The following BATF variants were observed in gnomAD, a reference collection of about 807,000 sequenced individuals.
The protein encoded by BATF is basic leucine zipper transcriptional factor ATF-like.
In BATF, 5 loss-of-function variants were observed where a neutral mutation model predicts 13.7. That is an observed-to-expected ratio of 0.36 (90% CI 0.19 to 0.77). The LOEUF is 0.77. Ranked by LOEUF, BATF falls within the 30% of genes least tolerant of loss-of-function variation. BATF has a pLI of 0.51. For synonymous variants in BATF, 72 were observed against 67.5 expected (o/e 1.07, Z -0.33); for missense variants, 124 against 163.0 (o/e 0.76, Z 1.30).
intron 1 of BATF, among the ~76,000 whole-genome samples, chr14:75,524,823 C>T (rs1169847238): frequency 6.7e-6 from 1 of 149,290 alleles, no homozygotes; most frequent in African/African-American, 2.5e-5. Context: ...TGGCCAAATA[C>T]AGCTCTATTG....
At chr14:75,537,701 T>C (rs1277925420) in intron 2 of BATF, among the ~76,000 whole-genome samples, 2 of 152,174 alleles carry the variant, frequency 1.3e-5, no homozygotes, top group Admixed American at 1.3e-4. Flanking sequence ...AATATAATAG[T>C]AGTGTGCTTA....
Position 75,546,892 on chromosome 14 carries a change from G to C in BATF, c.*221G>C. The C allele has an allele frequency of 1.4e-6, 1 of 718,962 alleles. No individual in the cohort carries two copies. Among genetic ancestry groups the C allele is most frequent in the Non-Finnish European group, 2.5e-6 (1 of 400,048 alleles). 44.5% of individuals were successfully genotyped at this position (718,962 alleles called of 1,614,324 possible). On this transcript the variant is annotated 3_prime_UTR_variant, in exon 3 of 3. Coordinates refer to ENST00000286639, the MANE Select transcript of BATF (RefSeq NM_006399.5). ...TGGACCCCACCACTGTGGGTTGCAG[G>C]CCCAATGCAGAAGAGTATTAAGAAA...
chr14:75,525,314 G>A (rs1887634985), intron 2 of BATF, 126 bp downstream of exon 2: 1 of 979,204 alleles, frequency 1.0e-6, no homozygotes, highest in Non-Finnish European at 1.5e-6. Context: ...GGTTAGTGGA[G>A]GGTGAGGGCC....
At chr14:75,535,883 T>A (rs963702339) in intron 2 of BATF, among the ~76,000 whole-genome samples, 8 of 152,018 alleles carry the variant, frequency 5.3e-5, no homozygotes, top group Non-Finnish European at 1.2e-4. Context: ...ACCCTGTAAC[T>A]AAAAAAGGGT....
At chr14:75,539,388 A>G (rs976523397) in intron 2 of BATF, among the ~76,000 whole-genome samples, 7 of 133,110 alleles carry the variant, frequency 5.3e-5, no homozygotes, top group African/African-American at 2.0e-4. Context: ...ATTCTGTCAC[A>G]TGGCTACCCC....
At position 75,546,499 on chromosome 14, in the gene BATF, G is replaced by C; in HGVS notation, c.206G>C (p.Arg69Pro). The C allele has an allele frequency of 3.1e-6, 5 of 1,614,138 alleles. No homozygotes were observed. Among genetic ancestry groups the C allele is most frequent in the Non-Finnish European group, 4.2e-6 (5 of 1,180,022 alleles). ...EDLEKQNAAL[R>P]KEIKQLTEEL... ...CTGGAGAAACAGAACGCGGCTCTAC[G>C]CAAGGAGATCAAGCAGCTCACAGAG... The change falls in exon 3 of 3, where the codon CGC becomes CCC. Residue 69 changes from arginine (R) to proline (P), a missense_variant. Physicochemically the swap from Arg to Pro is moderately radical, Grantham distance 103. Coordinates refer to ENST00000286639, the MANE Select transcript of BATF (RefSeq NM_006399.5).
At chr14:75,522,861 G>A (rs1193189239) in intron 1 of BATF, 116 bp downstream of exon 1, 41 of 1,262,856 alleles carry the variant, frequency 3.2e-5, no homozygotes, top group Non-Finnish European at 4.1e-5. Context: ...CTCGTTGCAC[G>A]GGCACTCTGT....
chr14:75,522,644 T>G lies in BATF; in HGVS notation c.-39T>G. 1 of 1,611,700 alleles carries G rather than the reference T, an allele frequency of 6.2e-7. No individual in the cohort carries two copies. The highest frequency in any genetic ancestry group is 1.1e-5 in the South Asian group (1 of 91,020). On this transcript the variant is annotated 5_prime_UTR_variant, in exon 1 of 3. Transcript: ENST00000286639. ...AGCTGGTGACAAGAGAGCCCAGAGG[T>G]GCCTGGGGCTGAGTGTGAGAGCCCG...
chr14:75,528,986 T>G (rs1291507772), intron 2 of BATF, among the ~76,000 whole-genome samples: 1 of 152,172 alleles, frequency 6.6e-6, no homozygotes, highest in African/African-American at 2.4e-5. Flanking sequence ...TTCAAATAAT[T>G]GGAAAGATAT....
chr14:75,535,716 G>C (rs1483826676), intron 2 of BATF, among the ~76,000 whole-genome samples: 1 of 152,012 alleles, frequency 6.6e-6, no homozygotes, highest in Non-Finnish European at 1.5e-5. Flanking sequence ...TATTACACCA[G>C]GAAAACAGGT....
Position 75,526,328 on chromosome 14 carries a change from C to A in BATF, c.168+1140C>A, listed in dbSNP as rs543807384. ...CTCATCCCCTTCCCTAGCAACTCTA[C>A]CTTCCTGCCCTTGCTCCAGAAACAT... is the stretch of plus-strand genomic sequence containing the variant. On this transcript the variant is annotated intron_variant, in intron 2 of 2. Coordinates refer to ENST00000286639, the MANE Select transcript of BATF (RefSeq NM_006399.5). 3.0e-4 allele frequency among the ~76,000 whole-genome samples: 46 copies of A among 152,352 alleles called. 2 individuals carry two copies. The South Asian group carries it at 9.1e-3, about 30-fold the overall frequency.
Position 75,546,842 on chromosome 14 carries a change from C to A in BATF, c.*171C>A. ...AAGGGCGTGAGGCCTCCCAGCAGTGCCGCAGCGTTTCGAGGGGCGTGTGCT... is the reference window on the plus strand; with the variant it reads ...AAGGGCGTGAGGCCTCCCAGCAGTGACGCAGCGTTTCGAGGGGCGTGTGCT... On this transcript the variant is annotated 3_prime_UTR_variant, in exon 3 of 3. Transcript: ENST00000286639. 1 of 944,796 alleles carries A rather than the reference C, an allele frequency of 1.1e-6. No individual in the cohort carries two copies. Among genetic ancestry groups the A allele is most frequent in the Non-Finnish European group, 1.6e-6 (1 of 607,962 alleles). 58.5% of individuals were successfully genotyped at this position (944,796 alleles called of 1,614,324 possible).
At chr14:75,546,229 C>T (rs957722460) in intron 2 of BATF, among the ~76,000 whole-genome samples, 3 of 152,202 alleles carry the variant, frequency 2.0e-5, no homozygotes, top group Non-Finnish European at 4.4e-5. Flanking sequence ...AGCCTCATAT[C>T]TATGTGTATA....
rs115093490 is a variant in BATF at position 75,545,338 on chromosome 14, G to A, written c.169-1124G>A. ...CTGGGTTTCAGCAATTCTCTTCCCC[G>A]AGCCTCCCGGGTAGCTGGGATTACA... On this transcript the variant is annotated intron_variant, in intron 2 of 2. Transcript: ENST00000286639. 1.7e-3 allele frequency among the ~76,000 whole-genome samples: 258 copies of A among 150,818 alleles called. 2 individuals are homozygous for A. Among genetic ancestry groups the A allele is most frequent in the African/African-American group, 5.8e-3 (236 of 40,986 alleles).
intron 2 of BATF, among the ~76,000 whole-genome samples, chr14:75,526,168 A>G (rs1015670801): frequency 7.2e-5 from 11 of 152,186 alleles, no homozygotes; most frequent in African/African-American, 2.7e-4. Flanking sequence ...TGGTGTTTCT[A>G]GGTTCTGGCT....
At chr14:75,523,113 A>G (rs1160596411) in intron 1 of BATF, among the ~76,000 whole-genome samples, 1 of 152,052 alleles carries the variant, frequency 6.6e-6, no homozygotes, top group African/African-American at 2.4e-5. Flanking sequence ...AGGAGTTTTC[A>G]AGTGGGCCGC....
intron 2 of BATF, among the ~76,000 whole-genome samples, chr14:75,528,894 A>G (rs1887690918): frequency 6.6e-6 from 1 of 152,254 alleles, no homozygotes; most frequent in Non-Finnish European, 1.5e-5. Flanking sequence ...CCTGTTTATA[A>G]TACCAATGAC....
At chr14:75,525,993 A>G (rs1166021378) in intron 2 of BATF, among the ~76,000 whole-genome samples, 3 of 152,212 alleles carry the variant, frequency 2.0e-5, no homozygotes, top group East Asian at 1.9e-4. Flanking sequence ...CAAGGGGTCT[A>G]TGAAAGATGC....
At position 75,546,656 on chromosome 14, in the gene BATF, G is replaced by C. The variant is rs746135776; in HGVS notation, c.363G>C (p.Pro121=). The C allele has an allele frequency of 1.9e-6, 3 of 1,602,266 alleles. No individual in the cohort carries two copies. The highest frequency in any genetic ancestry group is 2.6e-6 in the Non-Finnish European group (3 of 1,174,542). The stretch of plus-strand genomic sequence containing the variant: ...TCCACCAACCTCATGTCAGCTCCCC[G>C]CGCTTCCAGCCCTGAGCTTCCGATG... The part of the protein sequence containing the change: ...HAFHQPHVSS[P]RFQP Residue 121 remains proline (P), a synonymous_variant, in exon 3 of 3, where the codon CCG becomes CCC. Transcript: ENST00000286639.
Sources: allele counts gnomAD v4.1 joint callset (sites outside exome capture counted in the v4.1 genomes callset), GRCh38; gene constraint gnomAD v4.1.1; transcripts MANE v1.5; gene names NCBI Gene and HGNC (gene_info 2026-07-23, HGNC 2026-07-21).